MBNL2: variants seen among roughly 807,000 people sequenced by gnomAD.
MBNL2 encodes the protein muscleblind-like protein 2.
A neutral mutation model predicts 41.9 loss-of-function variants in MBNL2; 17 were observed. The observed-to-expected ratio is 0.41, with a 90% CI of 0.28 to 0.61. The LOEUF (loss-of-function observed/expected upper bound fraction) is 0.61. Ranked by LOEUF, MBNL2 falls within the 20% of genes least tolerant of loss-of-function variation. The pLI, the probability that MBNL2 is intolerant of heterozygous loss-of-function variation, is 0.35. For synonymous variants in MBNL2, 195 were observed against 182.9 expected, an observed-to-expected ratio of 1.07 and a Z score of -0.53; for missense variants, 336 against 505.6, an observed-to-expected ratio of 0.66 and a Z score of 3.22.
the MBNL2 span, among the ~76,000 whole-genome samples, chr13:97,155,319 C>T: frequency 1.3e-3 from 191 of 151,418 alleles, no homozygotes; most frequent in African/African-American, 4.5e-3. Context: ...AGTCTTGCTT[C>T]ATTCATACTC....
intron 2 of MBNL2, among the ~76,000 whole-genome samples, chr13:97,293,659 C>T (rs1301947596): frequency 6.6e-6 from 1 of 152,154 alleles, no homozygotes; most frequent in African/African-American, 2.4e-5. Flanking sequence ...CCTTGTATTT[C>T]TAACAATTTT....
the MBNL2 span, among the ~76,000 whole-genome samples, chr13:97,173,129 T>A: frequency 6.6e-6 from 1 of 152,132 alleles, no homozygotes; most frequent in African/African-American, 2.4e-5. Flanking sequence ...ATAAAAATAA[T>A]ATAACGATGA....
In MBNL2 at chr13:97,391,413, T is replaced by C; in HGVS notation, c.1140T>C (p.Val380=). The change falls in exon 9 of 9, where the codon GTT becomes GTC. Residue 380 remains valine (V), a synonymous_variant. Transcript: ENST00000679496. ...TKHCYCTYYP[V]SSSIELPQTA... ...ATTGTTACTGTACATACTATCCTGT[T>C]TCCTCCTCAATAGAATTGCCACAAA... The C allele has an allele frequency of 6.5e-7, 1 of 1,539,440 alleles. No individual in the cohort carries two copies. The highest frequency in any genetic ancestry group is 9.0e-7 in the Non-Finnish European group (1 of 1,112,200).
At chr13:97,179,394 T>G in the MBNL2 span, 1 of 152,216 alleles carries the variant, frequency 6.6e-6, no homozygotes, top group Admixed American at 6.5e-5. Flanking sequence ...CCTCCAAAAG[T>G]TCTACTTTTG....
chr13:97,313,075 G>T (rs943988543), intron 2 of MBNL2, among the ~76,000 whole-genome samples: 1 of 152,144 alleles, frequency 6.6e-6, no homozygotes, highest in Non-Finnish European at 1.5e-5. Context: ...ATAAATTCTA[G>T]AAATTCTTGG....
At position 97,346,855 on chromosome 13, in the gene MBNL2, C is replaced by T. The variant is rs576822266; in HGVS notation, c.592C>T (p.Arg198Cys). ...CTGTGCCCGGGGAGAGACCGACTGC[C>T]GCTTTGCACACCCCGCAGACAGCAC... ...GNCARGETDC[R>C]FAHPADSTMI... The change falls in exon 5 of 9, where the codon CGC (arginine) becomes TGC (cysteine). Residue 198 changes from arginine (R) to cysteine (C), a missense_variant. Coordinates refer to ENST00000679496, the MANE Select transcript of MBNL2 (RefSeq NM_001382683.1). This position sits in a 1 kb window ranked among gnomAD's most constrained non-coding sequence, Gnocchi z 4.2. The T allele has an allele frequency of 1.2e-6, 2 of 1,613,968 alleles. No homozygotes were observed. The highest frequency in any genetic ancestry group is 2.2e-5 in the East Asian group (1 of 44,864).
intron 2 of MBNL2, among the ~76,000 whole-genome samples, chr13:97,319,484 C>A (rs2059327994): frequency 6.6e-6 from 1 of 152,160 alleles, no homozygotes; most frequent in Non-Finnish European, 1.5e-5. Context: ...CTCCCCTGTC[C>A]TCCTCCCTAC....
At chr13:97,295,773 T>C (rs148180139) in intron 2 of MBNL2, among the ~76,000 whole-genome samples, 82 of 152,266 alleles carry the variant, frequency 5.4e-4, no homozygotes, top group Admixed American at 2.4e-3. Context: ...AGTAGAGTTC[T>C]TGGAGTGATG....
At chr13:97,206,239 G>A in the MBNL2 span, among the ~76,000 whole-genome samples, 6 of 152,182 alleles carry the variant, frequency 3.9e-5, no homozygotes, top group Non-Finnish European at 5.9e-5. Context: ...AGCAAGCCAC[G>A]TAGATTTTTT....
intron 2 of MBNL2, among the ~76,000 whole-genome samples, chr13:97,319,363 G>A (rs942175454): frequency 3.3e-5 from 5 of 152,128 alleles, no homozygotes; most frequent in Non-Finnish European, 5.9e-5. Context: ...CTGGCCAGGC[G>A]GGAGCTCTGG....
the MBNL2 span, among the ~76,000 whole-genome samples, chr13:97,176,984 G>A: frequency 1.3e-5 from 2 of 152,050 alleles, no homozygotes; most frequent in East Asian, 3.9e-4. Context: ...ATAAACAAAT[G>A]GTGAGAAATG....
At chr13:97,148,023 T>A in the MBNL2 span, among the ~76,000 whole-genome samples, 1 of 152,200 alleles carries the variant, frequency 6.6e-6, no homozygotes, top group Non-Finnish European at 1.5e-5. Context: ...GCTGCCAATG[T>A]ACAGGTTTGC....
At chr13:97,287,605 C>T (rs9516891) in intron 2 of MBNL2, among the ~76,000 whole-genome samples, 13,912 of 151,976 alleles carry the variant, frequency 0.092, 723 homozygotes, top group South Asian at 0.14. Flanking sequence ...AGAACTTATT[C>T]CCCCGATCTA....
intron 1 of MBNL2, among the ~76,000 whole-genome samples, chr13:97,259,563 T>G (rs991726880): frequency 6.6e-6 from 1 of 152,178 alleles, no homozygotes; most frequent in African/African-American, 2.4e-5. Flanking sequence ...ATGCTCCTTT[T>G]AGATCCCACG....
chr13:97,166,295 T>G, the MBNL2 span, among the ~76,000 whole-genome samples: 2 of 152,266 alleles, frequency 1.3e-5, no homozygotes, highest in Non-Finnish European at 2.9e-5. Context: ...AACATATTCA[T>G]GCACTTACAG....
intron 2 of MBNL2, among the ~76,000 whole-genome samples, chr13:97,308,564 C>T (rs1266501230): frequency 6.6e-6 from 1 of 152,192 alleles, no homozygotes; most frequent in African/African-American, 2.4e-5. Context: ...TACCCACACA[C>T]CAACAATCTT....
chr13:97,355,493 C>T (rs986344064), intron 5 of MBNL2, among the ~76,000 whole-genome samples: 3 of 152,028 alleles, frequency 2.0e-5, no homozygotes, highest in African/African-American at 4.8e-5. Context: ...ATTAGAGAAA[C>T]CTTAGGGACT....
At chr13:97,143,515 G>C in the MBNL2 span, among the ~76,000 whole-genome samples, 3 of 152,326 alleles carry the variant, frequency 2.0e-5, no homozygotes, top group East Asian at 3.9e-4. Flanking sequence ...TGATAGGTTT[G>C]CTGGCTTCTG....
At chr13:97,234,201 A>G (rs2042883397) in intron 1 of MBNL2, among the ~76,000 whole-genome samples, 1 of 152,162 alleles carries the variant, frequency 6.6e-6, no homozygotes, top group African/African-American at 2.4e-5. Context: ...GGACTCTGTA[A>G]CCTGCACTCT....
Sources: allele counts gnomAD v4.1 joint callset (sites outside exome capture counted in the v4.1 genomes callset), GRCh38; gene constraint gnomAD v4.1.1; non-coding constraint Gnocchi (gnomAD v3.1); transcripts MANE v1.5; gene names NCBI Gene and HGNC (gene_info 2026-07-23, HGNC 2026-07-21).